The following UBR4 variants were observed in gnomAD, a reference collection of about 807,000 sequenced individuals.
The protein encoded by UBR4 is E3 ubiquitin-protein ligase UBR4.
A neutral mutation model predicts 575.6 loss-of-function variants in UBR4; 124 were observed. The ratio of observed to expected loss-of-function variants is 0.22; its 90% confidence interval spans 0.19 to 0.25. The LOEUF is 0.25. Ranked by LOEUF, UBR4 falls within the 10% of genes least tolerant of loss-of-function variation. The pLI, the probability that UBR4 is intolerant of heterozygous loss-of-function variation, is 1.00. For synonymous variants in UBR4, 2,455 were observed against 2,473.7 expected (o/e 0.99, Z 0.22); for missense variants, 4,818 against 6,478.8 (o/e 0.74, Z 8.80).
chr1:19,128,451 C>G lies in UBR4; in HGVS notation c.9004-133G>C, dbSNP rs926778383. 6.6e-6 allele frequency: 5 copies of G among 752,674 alleles called. No homozygotes were observed. The African/African-American group carries it at 8.8e-5, about 13-fold the overall frequency. 46.6% of individuals were successfully genotyped at this position (752,674 alleles called of 1,614,324 possible). ...CATAACTGTAATCCATTATAGCGTT[C>G]TAAATTCCAGGTATCCAAAGCTTCA... On this transcript the variant is annotated intron_variant, in intron 61 of 105. Transcript: ENST00000375254.
intron 53 of UBR4, among the ~76,000 whole-genome samples, chr1:19,145,508 GACACACACAC>G (rs555050832): frequency 2.7e-4 from 39 of 145,076 alleles, no homozygotes; most frequent in Non-Finnish European, 4.7e-4. Context: ...AAACCACTGA[GACACACACAC>G]ACACACACAC....
chr1:19,099,741 C>A, intron 89 of UBR4, 64 bp from the exon 90 acceptor site: 2 of 1,423,716 alleles, frequency 1.4e-6, no homozygotes, highest in Non-Finnish European at 9.8e-7. Context: ...AATCCAAGAG[C>A]AAAGGGCACC....
At chr1:19,208,737 G>C (rs948107191) in intron 1 of UBR4, among the ~76,000 whole-genome samples, 12 of 152,108 alleles carry the variant, frequency 7.9e-5, no homozygotes, top group Middle Eastern at 3.4e-3. Context: ...TTTATGGAAG[G>C]GTGTCAACAA....
rs748576177 is a variant in UBR4 at position 19,112,820 on chromosome 1, C to T, written c.11505G>A (p.Gln3835=). The change falls in exon 78 of 106, where the codon CAG becomes CAA. Residue 3835 remains glutamine, a synonymous_variant. Transcript: ENST00000375254. The stretch of plus-strand genomic sequence containing the variant: ...GGGATGATTTAGTGGCTGCTTCCCT[C>T]TGCTGTAGGTCATATTCCAACAACT... ...RKELLEYDLQ[Q]REAATKSSRT... 1 of 1,613,798 alleles carries T rather than the reference C, an allele frequency of 6.2e-7. No individual in the cohort carries two copies. Among genetic ancestry groups the T allele is most frequent in the South Asian group, 1.1e-5 (1 of 91,028 alleles).
chr1:19,109,628 C>G (rs2079616945), intron 81 of UBR4, among the ~76,000 whole-genome samples: 1 of 152,236 alleles, frequency 6.6e-6, no homozygotes, highest in Non-Finnish European at 1.5e-5. Context: ...CACAACACTT[C>G]AAGGTGGAGA....
At chr1:19,163,908 C>A (rs758017402) in intron 33 of UBR4, 81 bp from the exon 34 acceptor site, 74 of 1,430,192 alleles carry the variant, frequency 5.2e-5, no homozygotes, top group Non-Finnish European at 6.8e-5. Flanking sequence ...TCTTCATTAA[C>A]TTTGAATCAA....
At position 19,174,309 on chromosome 1, in the gene UBR4, A is replaced by G. The variant is rs371567030; in HGVS notation, c.2982+10T>C. The G allele has an allele frequency of 6.7e-5, 108 of 1,606,008 alleles. No individual in the cohort carries two copies. The highest frequency in any genetic ancestry group is 8.7e-5 in the Non-Finnish European group (103 of 1,177,946). ...CAACCCAAAGACTTCTCAGGGTTCCATGGTCTTACCAAGGCTGTTACATTC... is the reference window on the plus strand; with the variant it reads ...CAACCCAAAGACTTCTCAGGGTTCCGTGGTCTTACCAAGGCTGTTACATTC... On this transcript the variant is annotated intron_variant, in intron 22 of 105. Transcript: ENST00000375254.
chr1:19,161,495 G>A (rs765421214), intron 37 of UBR4, 94 bp downstream of exon 37: 6 of 1,480,352 alleles, frequency 4.1e-6, no homozygotes, highest in African/African-American at 1.4e-5. Flanking sequence ...CTAGACTCAG[G>A]TATCCTGGAG....
chr1:19,147,999 G>A lies in UBR4; in HGVS notation c.7623C>T (p.Ser2541=), dbSNP rs1337959355. Residue 2541 remains serine, a synonymous_variant, in exon 51 of 106, where the codon AGC becomes AGT. Coordinates refer to ENST00000375254, the MANE Select transcript of UBR4 (RefSeq NM_020765.3). The stretch of plus-strand genomic sequence containing the variant: ...TCCCTGAGAGAACAGTTACCTTGTG[G>A]CTGTGGTAGGCCGAGCGGCTGGTGT... ...SLHTSRSAYH[S]HKDQALLSKA... The A allele has an allele frequency of 2.5e-6, 4 of 1,612,316 alleles. No homozygotes were observed. The highest frequency in any genetic ancestry group is 3.4e-6 in the Non-Finnish European group (4 of 1,179,530).
intron 12 of UBR4, 31 bp from the exon 13 acceptor site, chr1:19,187,332 T>C (rs749220132): frequency 6.2e-6 from 10 of 1,610,186 alleles, no homozygotes; most frequent in Middle Eastern, 1.7e-4. Flanking sequence ...GGGCAATTAA[T>C]GATACTACTC....
intron 84 of UBR4, 72 bp downstream of exon 84, chr1:19,105,661 G>T: frequency 8.5e-7 from 1 of 1,170,032 alleles, no homozygotes; most frequent in Non-Finnish European, 1.2e-6. Flanking sequence ...CTGATCCATG[G>T]ATTCCCCGGG....
intron 7 of UBR4, 111 bp downstream of exon 7, chr1:19,197,559 C>T (rs963128753): frequency 1.3e-5 from 19 of 1,444,314 alleles, no homozygotes; most frequent in Admixed American, 2.0e-5. Context: ...AACCAGGAGA[C>T]GAGGTTACAG....
chr1:19,178,964 T>A, intron 18 of UBR4, 87 bp downstream of exon 18: 1 of 1,516,482 alleles, frequency 6.6e-7, no homozygotes. Context: ...CAGCAAAGCC[T>A]CAAAGCCACA....
intron 55 of UBR4, among the ~76,000 whole-genome samples, chr1:19,143,181 AAAAG>A (rs1182615304): frequency 3.6e-4 from 54 of 150,056 alleles, no homozygotes; most frequent in East Asian, 2.9e-3. Context: ...GAAGGAAGAA[AAAAG>A]AAAGAAAGGA....
intron 102 of UBR4, among the ~76,000 whole-genome samples, chr1:19,083,213 G>A (rs187137109): frequency 1.2e-3 from 179 of 152,248 alleles, no homozygotes; most frequent in Non-Finnish European, 5.4e-4. Context: ...TGCTGCTCCC[G>A]CCAGTCTAAG....
chr1:19,113,909 G>A (rs1276240474), intron 76 of UBR4, 36 bp downstream of exon 76: 1 of 1,614,078 alleles, frequency 6.2e-7, no homozygotes, highest in East Asian at 2.2e-5. Flanking sequence ...CAAGACCCAA[G>A]CCCTTATCCA....
In UBR4 at chr1:19,104,263, G is replaced by T. The variant is rs1268726258; in HGVS notation, c.12728-6C>A. The T allele has an allele frequency of 8.7e-6, 14 of 1,613,668 alleles. No individual in the cohort carries two copies. The highest frequency in any genetic ancestry group is 1.2e-5 in the Non-Finnish European group (14 of 1,179,732). On this transcript the variant is annotated splice_region_variant and splice_polypyrimidine_tract_variant and intron_variant, in intron 86 of 105. Transcript: ENST00000375254. The stretch of plus-strand genomic sequence containing the variant: ...AACAAAGGAGGAGAGAAGGCCTGTG[G>T]AGACAGGAAAATGTTGCTGTGAGAG...
In UBR4 at chr1:19,176,736, A is replaced by G; in HGVS notation, c.2638-9T>C. The G allele has an allele frequency of 6.2e-7, 1 of 1,611,958 alleles. No homozygotes were observed. The highest frequency in any genetic ancestry group is 8.5e-7 in the Non-Finnish European group (1 of 1,178,700). The stretch of plus-strand genomic sequence containing the variant: ...AGCAGGTTATGCTGTACCTTTTAAA[A>G]CACAAATACTGAAATTAAGAAAGAT... On this transcript the variant is annotated splice_polypyrimidine_tract_variant and intron_variant, in intron 19 of 105. Transcript: ENST00000375254.
intron 1 of UBR4, among the ~76,000 whole-genome samples, chr1:19,202,596 C>T (rs2092795442): frequency 6.6e-6 from 1 of 152,236 alleles, no homozygotes; most frequent in Non-Finnish European, 1.5e-5. Context: ...ATCCCCTACA[C>T]CATCCCCCTG....
Sources: allele counts gnomAD v4.1 joint callset (sites outside exome capture counted in the v4.1 genomes callset), GRCh38; gene constraint gnomAD v4.1.1; transcripts MANE v1.5; gene names NCBI Gene and HGNC (gene_info 2026-07-23, HGNC 2026-07-21).